Variants in GMDS observed in about 807,000 individuals in gnomAD.
GMDS encodes GDP-mannose 4,6-dehydratase, also known as GDP-mannose 4,6 dehydratase.
In GMDS, 20 loss-of-function variants were observed where a neutral mutation model predicts 49.9. The ratio of observed to expected loss-of-function variants is 0.40; its 90% CI spans 0.28 to 0.58. The LOEUF (loss-of-function observed/expected upper bound fraction) is 0.58, where lower values mean the gene tolerates loss of function less well. Among genes scored for constraint, GMDS ranks in the 20% least tolerant of loss-of-function variants. The pLI, the probability that GMDS is intolerant of heterozygous loss-of-function variation, is 0.42. For synonymous variants in GMDS, 177 were observed against 178.6 expected, an observed-to-expected ratio of 0.99 and a Z score of 0.07; for missense variants, 362 against 481.4, an observed-to-expected ratio of 0.75 and a Z score of 2.32.
intron 4 of GMDS, chr6:2,043,559 A>C (rs1769814791): frequency 6.6e-6 from 1 of 152,236 alleles, no homozygotes; most frequent in Non-Finnish European, 1.5e-5. Flanking sequence ...ACTCATTTGG[A>C]TATTTTGAAT....
intron 7 of GMDS, among the ~76,000 whole-genome samples, chr6:1,899,377 T>C (rs1284954095): frequency 6.6e-6 from 1 of 152,002 alleles, no homozygotes; most frequent in African/African-American, 2.4e-5. Flanking sequence ...TAGGAGAAAA[T>C]GTAAGACCGT....
chr6:2,095,451 G>A (rs995846402), intron 4 of GMDS, among the ~76,000 whole-genome samples: 13 of 152,128 alleles, frequency 8.5e-5, no homozygotes, highest in Non-Finnish European at 1.5e-4. Flanking sequence ...ATACACAAGA[G>A]TAAAATGATA....
intron 4 of GMDS, among the ~76,000 whole-genome samples, chr6:2,048,085 C>T (rs146854981): frequency 2.6e-5 from 4 of 152,280 alleles, no homozygotes; most frequent in Admixed American, 6.5e-5. Context: ...TTCATGTGTA[C>T]ACATTCTCAC....
chr6:1,661,155 C>T (rs2814806), intron 9 of GMDS, among the ~76,000 whole-genome samples: 62,257 of 151,890 alleles, frequency 0.41, 13,431 homozygotes, highest in East Asian at 0.6. Context: ...TGCTACGGAG[C>T]GCTGTAACTG....
intron 9 of GMDS, among the ~76,000 whole-genome samples, chr6:1,672,395 T>A (rs1393592030): frequency 6.6e-6 from 1 of 152,242 alleles, no homozygotes; most frequent in African/African-American, 2.4e-5. Flanking sequence ...TCTGCAGGCA[T>A]GTGTAAACAG....
chr6:1,658,976 A>C (rs1194580765), intron 9 of GMDS, among the ~76,000 whole-genome samples: 1 of 152,216 alleles, frequency 6.6e-6, no homozygotes, highest in Admixed American at 6.5e-5. Flanking sequence ...GGCAGGTTTG[A>C]GTTTAATAGG....
intron 7 of GMDS, among the ~76,000 whole-genome samples, chr6:1,771,435 T>G (rs764358213): frequency 6.6e-6 from 1 of 152,174 alleles, no homozygotes; most frequent in Non-Finnish European, 1.5e-5. Flanking sequence ...TAACAATGCC[T>G]CCTTTGCAGG....
chr6:1,936,573 C>T (rs1374052186), intron 6 of GMDS, among the ~76,000 whole-genome samples: 2 of 152,192 alleles, frequency 1.3e-5, no homozygotes, highest in African/African-American at 4.8e-5. Context: ...TTTTCCAACA[C>T]TAGGTCAAAT....
At chr6:2,046,302 T>A (rs1770010644) in intron 4 of GMDS, among the ~76,000 whole-genome samples, 1 of 152,214 alleles carries the variant, frequency 6.6e-6, no homozygotes, top group Non-Finnish European at 1.5e-5. Context: ...CTGACAGATT[T>A]CTGAAAGCAC....
chr6:1,724,120 G>A (rs1766489225), intron 9 of GMDS, among the ~76,000 whole-genome samples: 1 of 152,228 alleles, frequency 6.6e-6, no homozygotes, highest in South Asian at 2.1e-4. Context: ...TTGAAGTGGA[G>A]TGAATGAAAT....
chr6:1,735,224 G>A (rs894503438), intron 8 of GMDS, among the ~76,000 whole-genome samples: 5 of 152,166 alleles, frequency 3.3e-5, no homozygotes, highest in African/African-American at 9.7e-5. Flanking sequence ...TCACCTACAC[G>A]ACTGTGTCTA....
rs115086731 is a variant in GMDS, at chr6:2,134,211, C to T, written c.103-9480G>A. Reference sequence around the variant, plus strand: ...TAAAGGGGATAAAATGAACAGTTGGCGAGATACTGAGACTGCAGTTTGAAC... The same window carrying T: ...TAAAGGGGATAAAATGAACAGTTGGTGAGATACTGAGACTGCAGTTTGAAC... On this transcript the variant is annotated intron_variant, in intron 1 of 10. Transcript: ENST00000380815. Among the ~76,000 whole-genome samples, 977 of 152,236 alleles carry T rather than the reference C, an allele frequency of 6.4e-3. 1 individual carries two copies. The highest frequency in any genetic ancestry group is 0.011 in the Non-Finnish European group (732 of 68,020).
At chr6:2,076,540 A>T (rs972297247) in intron 4 of GMDS, among the ~76,000 whole-genome samples, 1 of 152,188 alleles carries the variant, frequency 6.6e-6, no homozygotes, top group Non-Finnish European at 1.5e-5. Flanking sequence ...CCAAAACAGC[A>T]TGGTACTGGT....
chr6:1,881,776 G>A (rs1364033306), intron 7 of GMDS, among the ~76,000 whole-genome samples: 1 of 152,174 alleles, frequency 6.6e-6, no homozygotes, highest in East Asian at 1.9e-4. Flanking sequence ...ATGACCAAGA[G>A]CATCTACTTT....
At chr6:1,928,051 T>C (rs765852481) in intron 7 of GMDS, among the ~76,000 whole-genome samples, 1 of 152,194 alleles carries the variant, frequency 6.6e-6, no homozygotes, top group Non-Finnish European at 1.5e-5. Flanking sequence ...TCCTTGAACT[T>C]GGAGAAGAGT....
intron 9 of GMDS, among the ~76,000 whole-genome samples, chr6:1,684,565 G>A (rs550570855): frequency 7.9e-5 from 12 of 152,284 alleles, no homozygotes; most frequent in African/African-American, 2.6e-4. Flanking sequence ...ATGACATTGT[G>A]CCAGGTAAAG....
chr6:1,760,423 C>G (rs1365573210), intron 7 of GMDS, among the ~76,000 whole-genome samples: 7 of 152,174 alleles, frequency 4.6e-5, no homozygotes, highest in Non-Finnish European at 8.8e-5. Flanking sequence ...CTTGCCCAGC[C>G]AGCCACTAAA....
chr6:2,214,451 C>A (rs1780224133), intron 1 of GMDS, among the ~76,000 whole-genome samples: 1 of 152,068 alleles, frequency 6.6e-6, no homozygotes, highest in Non-Finnish European at 1.5e-5. Context: ...CTAAACAATA[C>A]AGTATAACAA....
chr6:2,199,434 C>G (rs554559805), intron 1 of GMDS, among the ~76,000 whole-genome samples: 1 of 152,270 alleles, frequency 6.6e-6, no homozygotes, highest in Admixed American at 6.5e-5. Flanking sequence ...AAAATATAAA[C>G]CTGATACAAT....
Sources: allele counts gnomAD v4.1 joint callset (sites outside exome capture counted in the v4.1 genomes callset), GRCh38; gene constraint gnomAD v4.1.1; transcripts MANE v1.5; gene names NCBI Gene and HGNC (gene_info 2026-07-23, HGNC 2026-07-21).